ARMC9: variants seen among roughly 807,000 people sequenced by gnomAD.
ARMC9 encodes lisH domain-containing protein ARMC9.
ARMC9 carries 94 observed loss-of-function variants against 107.0 expected under a neutral mutation model. The ratio of observed to expected loss-of-function variants is 0.88; its 90% confidence interval spans 0.74 to 1.04. The LOEUF is 1.04. ARMC9 is among the 50% of genes least tolerant of loss of function. The pLI, the probability that ARMC9 is intolerant of heterozygous loss-of-function variation, is 0.00. For synonymous variants in ARMC9, 380 were observed against 396.9 expected (o/e 0.96, Z 0.51); for missense variants, 942 against 1,030.1 (o/e 0.91, Z 1.17).
At chr2:231,350,946 CTTTTTTTTTTTTTTTT>C (rs770225857) in intron 21 of ARMC9, among the ~76,000 whole-genome samples, 1 of 50,600 alleles carries the variant, frequency 2.0e-5, no homozygotes, top group Non-Finnish European at 3.7e-5. Flanking sequence ...AGTGACAATT[CTTTTTTTTTTTTTTTT>C]TTTTTTTTTT....
At chr2:231,322,950 A>G (rs1196337317) in intron 19 of ARMC9, among the ~76,000 whole-genome samples, 1 of 152,188 alleles carries the variant, frequency 6.6e-6, no homozygotes, top group East Asian at 1.9e-4. Flanking sequence ...CAGCTCAGAC[A>G]AGTTAGCACA....
chr2:231,360,790 G>C lies in ARMC9; in HGVS notation c.2168G>C (p.Arg723Thr). Residue 723 changes from arginine (R) to threonine (T), a missense_variant, in exon 23 of 25, where the codon AGA becomes ACA. By Grantham distance (71) the Arg-to-Thr change is moderately conservative. Transcript: ENST00000611582. This position sits in a 1 kb window ranked among gnomAD's most constrained non-coding sequence, Gnocchi z 4.7. ...IIAKPGEWLPRGRQEEPRPAP... is the reference protein window; with the variant it reads ...IIAKPGEWLPTGRQEEPRPAP... ...GCCAAGCCAGGAGAGTGGCTCCCAA[G>C]AGGACGCCAGGAAGAGCCTCGCCCA... is the stretch of plus-strand genomic sequence containing the variant. 1.3e-6 allele frequency: 2 copies of C among 1,536,154 alleles called. No homozygotes were observed. The highest frequency in any genetic ancestry group is 2.4e-5 in the East Asian group (1 of 40,906).
chr2:231,277,839 A>T (rs1019788098), intron 15 of ARMC9, among the ~76,000 whole-genome samples: 2 of 152,220 alleles, frequency 1.3e-5, no homozygotes, highest in South Asian at 4.1e-4. Context: ...CTGGGATTAC[A>T]GGCGTAAAGC....
intron 8 of ARMC9, among the ~76,000 whole-genome samples, chr2:231,237,374 T>A (rs897458460): frequency 2.6e-5 from 4 of 152,192 alleles, no homozygotes; most frequent in Admixed American, 2.6e-4. Flanking sequence ...GGGTGAATCA[T>A]TATCAGATCT....
intron 23 of ARMC9, among the ~76,000 whole-genome samples, chr2:231,365,292 G>C (rs1260697442): frequency 4.6e-5 from 7 of 152,224 alleles, no homozygotes; most frequent in African/African-American, 1.7e-4. Context: ...TGCTCTGCAA[G>C]GTAGGCGATT....
chr2:231,258,530 C>G (rs934233256), intron 10 of ARMC9, among the ~76,000 whole-genome samples: 1 of 152,142 alleles, frequency 6.6e-6, no homozygotes. Flanking sequence ...TTCATATTCC[C>G]CCGGTCCAGT....
chr2:231,293,829 A>T (rs2041185490), intron 18 of ARMC9: 1 of 152,234 alleles, frequency 6.6e-6, no homozygotes. Context: ...TTTTACAGTG[A>T]TTGAACATTC....
intron 20 of ARMC9, among the ~76,000 whole-genome samples, chr2:231,340,977 A>G (rs1023002772): frequency 6.6e-6 from 1 of 152,142 alleles, no homozygotes; most frequent in African/African-American, 2.4e-5. Flanking sequence ...CTGAGGAATG[A>G]GGATCACTTG....
At chr2:231,321,089 G>A (rs1001503202) in intron 19 of ARMC9, among the ~76,000 whole-genome samples, 2 of 152,186 alleles carry the variant, frequency 1.3e-5, no homozygotes, top group Middle Eastern at 3.2e-3. Context: ...TCTGTAAAGC[G>A]AGAATATTAA....
intron 12 of ARMC9, 120 bp downstream of exon 12, chr2:231,262,518 C>A: frequency 1.0e-6 from 1 of 986,114 alleles, no homozygotes; most frequent in South Asian, 1.4e-5. Context: ...GTATGTCAGC[C>A]TTGAGCTCAT....
intron 23 of ARMC9, 29 bp from the exon 24 acceptor site, chr2:231,369,924 G>A: frequency 6.9e-7 from 1 of 1,456,558 alleles, no homozygotes; most frequent in Non-Finnish European, 9.1e-7. Context: ...TGTAGTAGCT[G>A]GGACTCCAGG....
At chr2:231,260,770 T>C (rs2038262798) in intron 11 of ARMC9, among the ~76,000 whole-genome samples, 1 of 152,198 alleles carries the variant, frequency 6.6e-6, no homozygotes, top group East Asian at 1.9e-4. Flanking sequence ...GACGCTGCAC[T>C]TCCTCTCAGT....
intron 9 of ARMC9, among the ~76,000 whole-genome samples, chr2:231,243,505 A>G (rs2036489776): frequency 6.6e-6 from 1 of 152,224 alleles, no homozygotes; most frequent in Admixed American, 6.5e-5. Context: ...GAAGTTATCA[A>G]TACCATCTGT....
intron 20 of ARMC9, among the ~76,000 whole-genome samples, chr2:231,343,902 GA>G (rs570333260): frequency 1.5e-3 from 199 of 136,844 alleles, no homozygotes; most frequent in Non-Finnish European, 1.7e-3. Flanking sequence ...TCGTCTCGAG[GA>G]AAAAAAAAAA....
intron 23 of ARMC9, among the ~76,000 whole-genome samples, chr2:231,367,705 G>A (rs1267941989): frequency 2.0e-5 from 3 of 152,198 alleles, no homozygotes; most frequent in East Asian, 1.9e-4. Context: ...TTAACTGGCC[G>A]GGCGCGGTGG....
chr2:231,256,235 A>G, intron 9 of ARMC9: 1 of 1,539,390 alleles, frequency 6.5e-7, no homozygotes, highest in Non-Finnish European at 8.8e-7. Flanking sequence ...CCGCAATGTA[A>G]AAGGCCCCGT....
intron 5 of ARMC9, among the ~76,000 whole-genome samples, chr2:231,220,524 G>A (rs2034009277): frequency 1.3e-5 from 2 of 150,450 alleles, no homozygotes; most frequent in African/African-American, 4.9e-5. Context: ...TTGAACCCGG[G>A]AGGCGGAGGT....
At chr2:231,311,586 A>G (rs1210078476) in intron 19 of ARMC9, among the ~76,000 whole-genome samples, 3 of 152,036 alleles carry the variant, frequency 2.0e-5, no homozygotes, top group Non-Finnish European at 4.4e-5. Context: ...CCTGGCCAAC[A>G]TGGTGAAACA....
chr2:231,278,210 G>A (rs903410810), intron 15 of ARMC9, among the ~76,000 whole-genome samples, 172 bp from the exon 16 acceptor site: 1 of 152,158 alleles, frequency 6.6e-6, no homozygotes, highest in African/African-American at 2.4e-5. Context: ...TAGTAAAGAA[G>A]AGGAAACTGA....
Sources: gnomAD v4.1 joint callset for allele counts (sites outside exome capture counted in the v4.1 genomes callset) on GRCh38, gnomAD v4.1.1 for gene constraint, Gnocchi (gnomAD v3.1) non-coding constraint, MANE v1.5 for transcripts, NCBI Gene and HGNC (gene_info 2026-07-23, HGNC 2026-07-21) for gene names.